CNTNAP4: variants seen among roughly 807,000 people sequenced by gnomAD.
CNTNAP4 encodes contactin-associated protein-like 4.
CNTNAP4 carries 98 observed loss-of-function variants against 148.4 expected under a neutral mutation model. The ratio of observed to expected loss-of-function variants is 0.66; its 90% CI spans 0.56 to 0.78. The LOEUF is 0.78. CNTNAP4 is among the 30% of genes least tolerant of loss of function. The pLI is 0.00. For synonymous variants in CNTNAP4, 730 were observed against 565.1 expected, an observed-to-expected ratio of 1.29 and a Z score of -4.14; for missense variants, 1,935 against 1,565.6, an observed-to-expected ratio of 1.24 and a Z score of -3.98.
In CNTNAP4 at chr16:76,522,109, C is replaced by A. The variant is rs1196701347; in HGVS notation, c.2607C>A (p.Thr869=). The change falls in exon 17 of 24, where the codon ACC becomes ACA. Residue 869 remains threonine (T), a synonymous_variant. Transcript: ENST00000611870. ...TTGAAATCTCAGTGCAGTCACCCAC[C>A]CACTTCAACGACAACCAGTGGCACC... is the stretch of plus-strand genomic sequence containing the variant. ...GPFEISVQSP[T]HFNDNQWHHV... 28 of 1,613,916 alleles carry A rather than the reference C, an allele frequency of 1.7e-5. No homozygotes were observed. The Middle Eastern group carries it at 4.9e-4, about 29-fold the overall frequency.
chr16:76,357,037 A>C (rs868628627), intron 3 of CNTNAP4, among the ~76,000 whole-genome samples: 2 of 149,696 alleles, frequency 1.3e-5, no homozygotes, highest in Admixed American at 6.8e-5. Flanking sequence ...GGAAAAAAAA[A>C]CAAACAAAAC....
intron 14 of CNTNAP4, among the ~76,000 whole-genome samples, chr16:76,497,299 G>A (rs895423800): frequency 6.6e-6 from 1 of 152,146 alleles, no homozygotes; most frequent in African/African-American, 2.4e-5. Context: ...GTCTTAGCAA[G>A]CTTCTGACAT....
intron 3 of CNTNAP4, among the ~76,000 whole-genome samples, chr16:76,396,798 A>G (rs1423292120): frequency 2.6e-5 from 4 of 152,220 alleles, no homozygotes; most frequent in Non-Finnish European, 5.9e-5. Flanking sequence ...GATAGGAGGC[A>G]TCCTTCTTCC....
At chr16:76,482,431 A>ATTTT (rs373576749) in intron 12 of CNTNAP4, among the ~76,000 whole-genome samples, 54,213 of 128,920 alleles carry the variant, frequency 0.42, 10,082 homozygotes, top group East Asian at 0.48. Flanking sequence ...TGTTTTACAC[A>ATTTT]ATTTTTTTTT....
chr16:76,497,670 A>G lies in CNTNAP4; in HGVS notation c.2238-897A>G, dbSNP rs1410578122. Among the ~76,000 whole-genome samples the G allele has an allele frequency of 4.0e-5, 6 of 148,396 alleles. 1 individual carries two copies. Among genetic ancestry groups the G allele is most frequent in the Admixed American group, 3.4e-4 (5 of 14,894 alleles). On this transcript the variant is annotated intron_variant, in intron 14 of 23. Coordinates refer to ENST00000611870, the MANE Select transcript of CNTNAP4 (RefSeq NM_033401.5). ...TGAGAACATAAGGACATGGGGGGGA[A>G]CATCACACACTGGGTCCTGTTGGGG...
At chr16:76,326,661 A>G (rs1259447754) in intron 2 of CNTNAP4, among the ~76,000 whole-genome samples, 1 of 152,194 alleles carries the variant, frequency 6.6e-6, no homozygotes, top group Non-Finnish European at 1.5e-5. Context: ...ACATGGATAA[A>G]GCTGGAAACC....
At chr16:76,421,544 C>T (rs1291554636) in intron 3 of CNTNAP4, among the ~76,000 whole-genome samples, 1 of 151,988 alleles carries the variant, frequency 6.6e-6, no homozygotes, top group Admixed American at 6.6e-5. Context: ...GTTCTTATTT[C>T]TGTTTGCTTT....
chr16:76,540,885 G>A (rs1412451912), intron 21 of CNTNAP4, 95 bp downstream of exon 21: 11 of 785,942 alleles, frequency 1.4e-5, no homozygotes, highest in Non-Finnish European at 2.0e-5. Context: ...ACTTCGTCAT[G>A]GCAAAGGAAA....
intron 1 of CNTNAP4, among the ~76,000 whole-genome samples, chr16:76,300,138 A>G (rs1959798537): frequency 6.6e-6 from 1 of 151,736 alleles, no homozygotes; most frequent in South Asian, 2.1e-4. Flanking sequence ...AAAACTTAAA[A>G]GTATAATAAT....
chr16:76,427,432 T>A lies in CNTNAP4; in HGVS notation c.391-20T>A, dbSNP rs1052784874. The A allele has an allele frequency of 1.3e-6, 2 of 1,597,254 alleles. No homozygotes were observed. The highest frequency in any genetic ancestry group is 2.7e-5 in the African/African-American group (2 of 74,090). On this transcript the variant is annotated intron_variant, in intron 3 of 23. Transcript: ENST00000611870. ...ATGTTCTCCAGATACATTGATGTGC[T>A]TCTTTCCCTTTTCTTTTAGGGTTTT...
chr16:76,392,708 G>C (rs188310953), intron 3 of CNTNAP4, among the ~76,000 whole-genome samples: 14 of 152,314 alleles, frequency 9.2e-5, no homozygotes, highest in Admixed American at 8.5e-4. Context: ...TTCTTGGAGT[G>C]TTGAGTCTTT....
chr16:76,501,836 C>G (rs539431957), intron 15 of CNTNAP4, among the ~76,000 whole-genome samples: 1 of 152,086 alleles, frequency 6.6e-6, no homozygotes, highest in Non-Finnish European at 1.5e-5. Context: ...TTTGGGAGGC[C>G]GAGGCGGGCG....
chr16:76,454,209 G>C (rs2080634361), intron 8 of CNTNAP4, among the ~76,000 whole-genome samples: 1 of 151,480 alleles, frequency 6.6e-6, no homozygotes, highest in Non-Finnish European at 1.5e-5. Flanking sequence ...CCGCCTCCCG[G>C]GTTCAAGTGA....
At chr16:76,555,406 A>G (rs1402910839) in intron 23 of CNTNAP4, among the ~76,000 whole-genome samples, 2 of 152,222 alleles carry the variant, frequency 1.3e-5, no homozygotes, top group African/African-American at 4.8e-5. Context: ...TAATAATTGT[A>G]TGTCTAAAAG....
chr16:76,465,842 A>G (rs2143477298), intron 9 of CNTNAP4, among the ~76,000 whole-genome samples: 1 of 152,350 alleles, frequency 6.6e-6, no homozygotes, highest in South Asian at 2.1e-4. Context: ...AGGTTAAAAT[A>G]AAATGTTTCG....
intron 5 of CNTNAP4, among the ~76,000 whole-genome samples, chr16:76,448,422 C>T (rs1188467594): frequency 6.6e-6 from 1 of 151,886 alleles, no homozygotes; most frequent in Non-Finnish European, 1.5e-5. Context: ...TTACATAGTG[C>T]TGATAGAACC....
chr16:76,460,773 A>AAAAAAAAAATATATATATATATAT, intron 8 of CNTNAP4, among the ~76,000 whole-genome samples: 2 of 57,322 alleles, frequency 3.5e-5, no homozygotes, highest in Admixed American at 2.4e-4. Context: ...AAAAAAAAAA[A>AAAAAAAAAATATATATATATATAT]ATATATATAT....
chr16:76,357,612 G>C (rs551260869), intron 3 of CNTNAP4, among the ~76,000 whole-genome samples: 5 of 152,080 alleles, frequency 3.3e-5, no homozygotes, highest in African/African-American at 7.2e-5. Context: ...TGTACCTTGC[G>C]ATCTTTTATC....
intron 11 of CNTNAP4, among the ~76,000 whole-genome samples, chr16:76,479,183 T>C (rs2081711104): frequency 3.3e-5 from 5 of 152,134 alleles, no homozygotes; most frequent in Admixed American, 3.3e-4. Context: ...AGTAATTTCA[T>C]TTTCCTTTAG....
Sources: allele counts gnomAD v4.1 joint callset (sites outside exome capture counted in the v4.1 genomes callset), GRCh38; gene constraint gnomAD v4.1.1; transcripts MANE v1.5; gene names NCBI Gene and HGNC (gene_info 2026-07-23, HGNC 2026-07-21).